CFAP54: variants seen among roughly 807,000 people sequenced by gnomAD.
CFAP54 encodes the protein cilia- and flagella-associated protein 54.
A neutral mutation model predicts 370.4 loss-of-function variants in CFAP54; 290 were observed. The ratio of observed to expected loss-of-function variants is 0.78; its 90% CI spans 0.71 to 0.86. The LOEUF (loss-of-function observed/expected upper bound fraction) is 0.86, where lower values mean the gene tolerates loss of function less well. Ranked by LOEUF, CFAP54 falls within the 40% of genes least tolerant of loss-of-function variation. The pLI is 0.00. For synonymous variants in CFAP54, 1,206 were observed against 1,236.5 expected, an observed-to-expected ratio of 0.98 and a Z score of 0.52; for missense variants, 3,399 against 3,528.7, an observed-to-expected ratio of 0.96 and a Z score of 0.93.
intron 66 of CFAP54, among the ~76,000 whole-genome samples, chr12:96,836,034 G>A (rs1292868305): frequency 6.6e-6 from 1 of 152,172 alleles, no homozygotes; most frequent in Non-Finnish European, 1.5e-5. Context: ...CAGAAAGATA[G>A]CCACAGCACA....
At chr12:96,572,770 A>T in intron 19 of CFAP54, 1 of 705,738 alleles carries the variant, frequency 1.4e-6, no homozygotes, top group Non-Finnish European at 1.7e-6. Flanking sequence ...ACTCCTGGAG[A>T]TTTCTATTTT....
chr12:96,645,227 T>A (rs1016965225), intron 33 of CFAP54: 3 of 454,854 alleles, frequency 6.6e-6, no homozygotes, highest in Non-Finnish European at 1.3e-5. Flanking sequence ...GATACATACA[T>A]AATATGGAAT....
chr12:96,827,791 A>G (rs1364422764), intron 65 of CFAP54, among the ~76,000 whole-genome samples: 1 of 100,016 alleles, frequency 1.0e-5, no homozygotes, highest in Non-Finnish European at 1.9e-5. Flanking sequence ...TATATAATAT[A>G]TAATTATATA....
At chr12:96,700,683 G>T (rs978078598) in intron 46 of CFAP54, among the ~76,000 whole-genome samples, 3 of 152,118 alleles carry the variant, frequency 2.0e-5, no homozygotes, top group Non-Finnish European at 4.4e-5. Flanking sequence ...GACGTTTAAA[G>T]CATAAATTAA....
At chr12:96,503,460 TCTCG>T (rs144742268) in intron 2 of CFAP54, among the ~76,000 whole-genome samples, 5 of 136,620 alleles carry the variant, frequency 3.7e-5, no homozygotes, top group East Asian at 2.6e-4. Flanking sequence ...TTTGTTTCTC[TCTCG>T]CTCGCTCGCT....
At chr12:96,688,819 T>C (rs770663798) in intron 42 of CFAP54, 97 bp from the exon 43 acceptor site, 140 of 602,588 alleles carry the variant, frequency 2.3e-4, no homozygotes, top group Admixed American at 4.6e-4. Flanking sequence ...ATTTTTCTTA[T>C]ACTTTTTGTG....
intron 62 of CFAP54, among the ~76,000 whole-genome samples, chr12:96,790,726 G>A (rs144028368): frequency 1.5e-4 from 23 of 152,094 alleles, no homozygotes; most frequent in Admixed American, 7.2e-4. Flanking sequence ...ACTTACAAAT[G>A]ATGATTTAAC....
intron 15 of CFAP54, among the ~76,000 whole-genome samples, chr12:96,550,664 A>T (rs1184418678): frequency 6.6e-6 from 1 of 152,226 alleles, no homozygotes. Context: ...TCCTCCTGGG[A>T]GAAAACACTT....
intron 65 of CFAP54, among the ~76,000 whole-genome samples, chr12:96,825,365 A>G (rs1368860379): frequency 1.6e-5 from 2 of 121,656 alleles, no homozygotes; most frequent in Admixed American, 2.0e-4. Context: ...TATATTATAT[A>G]TTATGTAACA....
chr12:96,748,496 G>A (rs1452003132), intron 55 of CFAP54, among the ~76,000 whole-genome samples: 1 of 151,960 alleles, frequency 6.6e-6, no homozygotes, highest in Non-Finnish European at 1.5e-5. Flanking sequence ...TTCATAGGTT[G>A]TTGATTGAAT....
Position 96,786,875 on chromosome 12 carries a change from G to T in CFAP54, c.8656G>T (p.Asp2886Tyr). The T allele has an allele frequency of 6.5e-7, 1 of 1,533,464 alleles. No homozygotes were observed. Among genetic ancestry groups the T allele is most frequent in the South Asian group, 1.2e-5 (1 of 83,548 alleles). The allele number at this position is 1,533,464 out of a possible 1,614,324, so 95.0% of individuals were successfully genotyped here. ...QLENPPLSEK[D>Y]LRESSAKLYR... ...GGAAAATCCCCCTCTTTCAGAAAAA[G>T]ACTTACGTGAATCATCTGCCAAGGT... The change falls in exon 62 of 68, where the codon GAC becomes TAC. Residue 2886 changes from aspartate to tyrosine, a missense_variant. Asp to Tyr is a radical substitution (Grantham distance 160). This residue lies in a region of CFAP54 where 2,796 missense variants were observed against 2,869.7 expected (regional missense o/e 0.97). Coordinates refer to ENST00000524981, the MANE Select transcript of CFAP54 (RefSeq NM_001306084.2).
At position 96,594,461 on chromosome 12, in the gene CFAP54, C is replaced by T; in HGVS notation, c.3516+15C>T. 6.8e-7 allele frequency: 1 copy of T among 1,464,460 alleles called. No individual in the cohort carries two copies. The highest frequency in any genetic ancestry group is 9.1e-7 in the Non-Finnish European group (1 of 1,099,662). 90.7% of individuals were successfully genotyped at this position (1,464,460 alleles called of 1,614,324 possible). The stretch of plus-strand genomic sequence containing the variant: ...CTGTTGTACAGGTAAGGGTATTCCT[C>T]TCCCCAAGAGAAGGGAATCTTTATA... On this transcript the variant is annotated intron_variant, in intron 25 of 67. Transcript: ENST00000524981.
At chr12:96,873,899 G>A (rs1017107326) in intron 67 of CFAP54, among the ~76,000 whole-genome samples, 6 of 152,068 alleles carry the variant, frequency 3.9e-5, no homozygotes, top group South Asian at 2.1e-4. Context: ...TTACCTGGGG[G>A]CTATGATTTG....
Position 96,508,615 on chromosome 12 carries a change from T to G in CFAP54, c.739+1516T>G, listed in dbSNP as rs554056991. On this transcript the variant is annotated intron_variant, in intron 4 of 67. Transcript: ENST00000524981. The stretch of plus-strand genomic sequence containing the variant: ...AATTTTTTTTTTTTTTTTAAAAGAT[T>G]ATTTCTGTATCCTTGATATCTTTTT... Among the ~76,000 whole-genome samples, 8 of 151,536 alleles carry G rather than the reference T, an allele frequency of 5.3e-5. No individual in the cohort carries two copies. In the South Asian group the frequency reaches 1.5e-3, roughly 28 times the overall value.
At chr12:96,689,620 C>G (rs1957368257) in intron 43 of CFAP54, among the ~76,000 whole-genome samples, 1 of 152,086 alleles carries the variant, frequency 6.6e-6, no homozygotes, top group Non-Finnish European at 1.5e-5. Context: ...GTTACCTCAT[C>G]TCTAAATTCA....
At chr12:96,633,064 C>T (rs78135865) in intron 32 of CFAP54, among the ~76,000 whole-genome samples, 14,851 of 152,054 alleles carry the variant, frequency 0.098, 893 homozygotes, top group Middle Eastern at 0.16. Context: ...TTTTTGCGTA[C>T]TGATCTTCTA....
chr12:96,797,137 C>T (rs947762618), intron 63 of CFAP54, among the ~76,000 whole-genome samples: 12 of 151,960 alleles, frequency 7.9e-5, no homozygotes, highest in African/African-American at 2.9e-4. Context: ...CTATGTGGAG[C>T]TTTTCTAGTT....
At chr12:96,497,234 T>G (rs553045222) in intron 1 of CFAP54, among the ~76,000 whole-genome samples, 1 of 152,204 alleles carries the variant, frequency 6.6e-6, no homozygotes, top group African/African-American at 2.4e-5. Context: ...CTTAATCAAC[T>G]GTATCTTTGG....
intron 58 of CFAP54, among the ~76,000 whole-genome samples, chr12:96,758,037 A>G (rs549386715): frequency 5.8e-4 from 89 of 152,200 alleles, no homozygotes; most frequent in Non-Finnish European, 9.6e-4. Flanking sequence ...TCATACATTC[A>G]TCACGTATCT....
Sources: gnomAD v4.1 joint callset for allele counts (sites outside exome capture counted in the v4.1 genomes callset) on GRCh38, gnomAD v4.1.1 for gene constraint, gnomAD v4.1.1 regional missense constraint, MANE v1.5 for transcripts, NCBI Gene and HGNC (gene_info 2026-07-23, HGNC 2026-07-21) for gene names.